The following WDR19 variants were observed in gnomAD, a reference collection of about 807,000 sequenced individuals.
WDR19 encodes WD repeat domain 19, also known as WD repeat-containing protein 19.
In WDR19, 121 loss-of-function variants were observed where a neutral mutation model predicts 180.0. The observed-to-expected ratio is 0.67, with a 90% CI of 0.58 to 0.78. The LOEUF (loss-of-function observed/expected upper bound fraction) is 0.78. Ranked by LOEUF, WDR19 falls within the 30% of genes least tolerant of loss-of-function variation. WDR19 has a pLI of 0.00. For synonymous variants in WDR19, 497 were observed against 540.7 expected, an observed-to-expected ratio of 0.92 and a Z score of 1.12; for missense variants, 1,450 against 1,640.7, an observed-to-expected ratio of 0.88 and a Z score of 2.01.
intron 14 of WDR19, among the ~76,000 whole-genome samples, chr4:39,222,363 G>A (rs533598229): frequency 1.3e-5 from 2 of 152,032 alleles, no homozygotes; most frequent in East Asian, 3.9e-4. Flanking sequence ...CGCACAGATT[G>A]TATTTTTATT....
chr4:39,273,260 A>G (rs1304498158), intron 32 of WDR19, 199 bp downstream of exon 32: 1 of 525,696 alleles, frequency 1.9e-6, no homozygotes, highest in Non-Finnish European at 3.3e-6. Flanking sequence ...GAGTCAACAC[A>G]CAGTAGTACC....
Position 39,224,866 on chromosome 4 carries a change from A to ATTTT in WDR19, c.1480-6_1480-3dup. 3 of 1,300,582 alleles carry ATTTT rather than the reference A, an allele frequency of 2.3e-6. No homozygotes were observed. Among genetic ancestry groups the ATTTT allele is most frequent in the South Asian group, 1.8e-5 (1 of 56,602 alleles). The allele number at this position is 1,300,582 out of a possible 1,614,324, so 80.6% of individuals were successfully genotyped here. A position where few individuals can be genotyped will look rare whatever the true frequency, so the allele number is the denominator to read the frequency against. ...CTACCTTTTATATTTTCATGGCTGG[A>ATTTT]TTTTTTTTTTTTTTTAGACTGGTGT... is the stretch of plus-strand genomic sequence containing the variant. On this transcript the variant is annotated splice_polypyrimidine_tract_variant and intron_variant, in intron 14 of 36. Transcript: ENST00000399820.
intron 26 of WDR19, 74 bp downstream of exon 26, chr4:39,254,104 A>T: frequency 1.3e-6 from 2 of 1,489,852 alleles, no homozygotes; most frequent in Non-Finnish European, 1.8e-6. Context: ...TGATCTAATT[A>T]TCAGATTGGT....
intron 5 of WDR19, among the ~76,000 whole-genome samples, chr4:39,197,806 T>A (rs2109275323): frequency 6.6e-6 from 1 of 152,300 alleles, no homozygotes; most frequent in Middle Eastern, 3.4e-3. Context: ...ACATCAGTAT[T>A]ATCATAAATT....
chr4:39,206,845 G>T (rs758587893), intron 9 of WDR19, among the ~76,000 whole-genome samples: 1 of 152,166 alleles, frequency 6.6e-6, no homozygotes, highest in Non-Finnish European at 1.5e-5. Context: ...GCTACAGAAG[G>T]CTCCTTGAAA....
chr4:39,253,649 CAT>C (rs1733470686), intron 25 of WDR19, among the ~76,000 whole-genome samples: 1 of 151,984 alleles, frequency 6.6e-6, no homozygotes. Flanking sequence ...TGTGGTGGTG[CAT>C]GCCTGTAGTT....
In WDR19 at chr4:39,285,783, A is replaced by C. The variant is rs1737145022; in HGVS notation, c.*310A>C. The stretch of plus-strand genomic sequence containing the variant: ...TTTTTGCTAACTTTTGTATTTTGAA[A>C]AACTTTAAAATAAAATTGTTGACTA... On this transcript the variant is annotated 3_prime_UTR_variant, in exon 37 of 37. Transcript: ENST00000399820. The C allele has an allele frequency of 6.6e-6, 1 of 152,238 alleles. No individual in the cohort carries two copies. The highest frequency in any genetic ancestry group is 1.5e-5 in the Non-Finnish European group (1 of 68,042). 9.4% of individuals were successfully genotyped at this position (152,238 alleles called of 1,614,324 possible). A position where few individuals can be genotyped will look rare whatever the true frequency, so the allele number is the denominator to read the frequency against.
In WDR19 at chr4:39,257,661, C is replaced by G. The variant is rs905406328; in HGVS notation, c.3183+107C>G. The G allele has an allele frequency of 6.3e-6, 6 of 954,018 alleles. No homozygotes were observed. In the Admixed American group the frequency reaches 1.4e-4, roughly 23 times the overall value. The allele number at this position is 954,018 out of a possible 1,614,324, so 59.1% of individuals were successfully genotyped here. A position where few individuals can be genotyped will look rare whatever the true frequency, so the allele number is the denominator to read the frequency against. On this transcript the variant is annotated intron_variant, in intron 28 of 36. Coordinates refer to ENST00000399820, the MANE Select transcript of WDR19 (RefSeq NM_025132.4). ...GTAGACCAAACAGTATTACAAACCC[C>G]TACATACCTATCGTGTAACTTCAAC...
intron 36 of WDR19, among the ~76,000 whole-genome samples, chr4:39,282,398 GTTTT>G (rs555684598): frequency 1.1e-3 from 164 of 152,096 alleles, no homozygotes; most frequent in Admixed American, 3.1e-3. Flanking sequence ...GTTTTGCAGG[GTTTT>G]TTGTTTGTTT....
rs936731086 is a variant in WDR19 at position 39,285,785 on chromosome 4, A to ACTT, written c.*313_*315dup. The ACTT allele has an allele frequency of 3.3e-5, 5 of 152,192 alleles. No homozygotes were observed. The highest frequency in any genetic ancestry group is 9.7e-5 in the African/African-American group (4 of 41,446). The allele number at this position is 152,192 out of a possible 1,614,324, so 9.4% of individuals were successfully genotyped here. A position where few individuals can be genotyped will look rare whatever the true frequency, so the allele number is the denominator to read the frequency against. On this transcript the variant is annotated 3_prime_UTR_variant, in exon 37 of 37. Coordinates refer to ENST00000399820, the MANE Select transcript of WDR19 (RefSeq NM_025132.4). The stretch of plus-strand genomic sequence containing the variant: ...TTTGCTAACTTTTGTATTTTGAAAA[A>ACTT]CTTTAAAATAAAATTGTTGACTAGA...
At chr4:39,237,139 A>G (rs1261306832) in intron 20 of WDR19, among the ~76,000 whole-genome samples, 2 of 152,262 alleles carry the variant, frequency 1.3e-5, no homozygotes, top group Admixed American at 6.5e-5. Flanking sequence ...CAAAGAAAGT[A>G]TAGTTCTAAC....
Position 39,217,129 on chromosome 4 carries a change from T to A in WDR19, c.1250-5T>A. On this transcript the variant is annotated splice_polypyrimidine_tract_variant and splice_region_variant and intron_variant, in intron 12 of 36. Coordinates refer to ENST00000399820, the MANE Select transcript of WDR19 (RefSeq NM_025132.4). ...TAATGTGTTGGTTTTTAAAAATTGCTACAGCTGTGAAAAAATTGAAAGATA... is the reference window on the plus strand; with the variant it reads ...TAATGTGTTGGTTTTTAAAAATTGCAACAGCTGTGAAAAAATTGAAAGATA... 1 of 1,592,024 alleles carries A rather than the reference T, an allele frequency of 6.3e-7. No individual in the cohort carries two copies. Among genetic ancestry groups the A allele is most frequent in the Admixed American group, 1.7e-5 (1 of 57,350 alleles).
chr4:39,208,224 A>C lies in WDR19; in HGVS notation c.890+2488A>C, dbSNP rs146869272. Among the ~76,000 whole-genome samples, 274 of 152,262 alleles carry C rather than the reference A, an allele frequency of 1.8e-3. 1 individual carries two copies. Among genetic ancestry groups the C allele is most frequent in the African/African-American group, 6.3e-3 (261 of 41,556 alleles). On this transcript the variant is annotated intron_variant, in intron 9 of 36. Coordinates refer to ENST00000399820, the MANE Select transcript of WDR19 (RefSeq NM_025132.4). ...AAGAGAGAACAAATAGAAAGCAAAT[A>C]ATAAAGCAGTAGACTTCAATTCAAA...
intron 5 of WDR19, among the ~76,000 whole-genome samples, chr4:39,198,537 G>A (rs1173506221): frequency 6.6e-6 from 1 of 150,836 alleles, no homozygotes; most frequent in Non-Finnish European, 1.5e-5. Context: ...CTCCAGCCTG[G>A]GCGACAGAGC....
At chr4:39,277,252 C>A in intron 34 of WDR19, 109 bp downstream of exon 34, 2 of 1,250,706 alleles carry the variant, frequency 1.6e-6, no homozygotes, top group Non-Finnish European at 2.1e-6. Flanking sequence ...TCTTATCCCT[C>A]AAATTTCCTG....
intron 1 of WDR19, 135 bp from the exon 2 acceptor site, chr4:39,185,591 A>G: frequency 2.7e-6 from 2 of 749,308 alleles, no homozygotes; most frequent in East Asian, 2.8e-5. Context: ...GTTAACTTCT[A>G]GATAAGCTCT....
chr4:39,194,103 G>A (rs1726464456), intron 4 of WDR19, among the ~76,000 whole-genome samples: 1 of 152,166 alleles, frequency 6.6e-6, no homozygotes, highest in South Asian at 2.1e-4. Flanking sequence ...TGGTGACGGA[G>A]CTGGAAAAGA....
rs1304881787 is a variant in WDR19 at position 39,228,312 on chromosome 4, G to A, written c.1732G>A (p.Asp578Asn). ...TAAAGGTGTATTTATTGCTTATGAT[G>A]ATGATAAGGTGTACACTTATGTCTT... is the stretch of plus-strand genomic sequence containing the variant. ...MDKGVFIAYDDDKVYTYVFHK... is the reference protein window; with the variant it reads ...MDKGVFIAYDNDKVYTYVFHK... Residue 578 changes from aspartate (D) to asparagine (N), a missense_variant, in exon 16 of 37, where the codon GAT (aspartate) becomes AAT (asparagine). Transcript: ENST00000399820. 8 of 1,613,310 alleles carry A rather than the reference G, an allele frequency of 5.0e-6. No homozygotes were observed. Among genetic ancestry groups the A allele is most frequent in the Admixed American group, 1.7e-5 (1 of 59,928 alleles).
intron 34 of WDR19, 63 bp from the exon 35 acceptor site, chr4:39,278,067 AT>A: frequency 9.3e-6 from 13 of 1,398,884 alleles, no homozygotes; most frequent in Admixed American, 6.8e-5. Context: ...AAAAAAAAAA[AT>A]TGACTAACAG....
Sources: allele counts gnomAD v4.1 joint callset (sites outside exome capture counted in the v4.1 genomes callset), GRCh38; gene constraint gnomAD v4.1.1; transcripts MANE v1.5; gene names NCBI Gene and HGNC (gene_info 2026-07-23, HGNC 2026-07-21).